Variants in SHISA6 observed in about 807,000 individuals in gnomAD.
SHISA6 encodes the protein protein shisa-6.
In SHISA6, 22 loss-of-function variants were observed where a neutral mutation model predicts 47.9. The ratio of observed to expected loss-of-function variants is 0.46; its 90% CI spans 0.33 to 0.66. The LOEUF is 0.66. SHISA6 is among the 30% of genes least tolerant of loss of function. The pLI is 0.02. For synonymous variants in SHISA6, 388 were observed against 337.8 expected, an observed-to-expected ratio of 1.15 and a Z score of -1.63; for missense variants, 680 against 764.6, an observed-to-expected ratio of 0.89 and a Z score of 1.30.
At chr17:11,371,547 C>T (rs764761823) in intron 2 of SHISA6, among the ~76,000 whole-genome samples, 1 of 152,180 alleles carries the variant, frequency 6.6e-6, no homozygotes, top group African/African-American at 2.4e-5. Flanking sequence ...ACTTTATACA[C>T]AGAATCTCAT....
At chr17:11,396,575 C>T (rs377109141) in intron 3 of SHISA6, among the ~76,000 whole-genome samples, 21 of 152,188 alleles carry the variant, frequency 1.4e-4, no homozygotes, top group East Asian at 7.7e-4. Context: ...CTGTCTTCCA[C>T]GACGGTTGAA....
chr17:11,431,297 T>C (rs1914765407), intron 3 of SHISA6, among the ~76,000 whole-genome samples: 2 of 152,090 alleles, frequency 1.3e-5, no homozygotes, highest in South Asian at 2.1e-4. Context: ...AGCTGCACCC[T>C]CCACACAGGA....
At chr17:11,343,485 T>C (rs1292935287) in intron 2 of SHISA6, among the ~76,000 whole-genome samples, 4 of 152,178 alleles carry the variant, frequency 2.6e-5, no homozygotes, top group Non-Finnish European at 4.4e-5. Context: ...CCAAAGGCTA[T>C]TGAGCTGGTT....
In SHISA6 at chr17:11,524,581, C is replaced by T. The variant is rs533294955; in HGVS notation, c.896-27315C>T. Among the ~76,000 whole-genome samples, 11 of 151,580 alleles carry T rather than the reference C, an allele frequency of 7.3e-5. No homozygotes were observed. The East Asian group carries it at 2.1e-3, about 29-fold the overall frequency. On this transcript the variant is annotated intron_variant, in intron 3 of 5. Coordinates refer to ENST00000441885, the MANE Select transcript of SHISA6 (RefSeq NM_207386.4). ...GTGTGATCTCAGCTCACCACAACCT[C>T]TGCCTCCCGGGTTCAAGCGATTTTC...
chr17:11,388,317 T>A lies in SHISA6; in HGVS notation c.895+8808T>A, dbSNP rs562163108. Among the ~76,000 whole-genome samples, 154 of 152,238 alleles carry A rather than the reference T, an allele frequency of 1.0e-3. 1 individual carries two copies. The highest frequency in any genetic ancestry group is 3.4e-3 in the African/African-American group (142 of 41,544). ...CACAGGCTTATCTGGGAATGGACTC[T>A]GTGAAGCCAGTACCACCTGGGAGCC... On this transcript the variant is annotated intron_variant, in intron 3 of 5. Transcript: ENST00000441885.
At chr17:11,304,765 A>G (rs1416225591) in intron 2 of SHISA6, among the ~76,000 whole-genome samples, 3 of 152,030 alleles carry the variant, frequency 2.0e-5, no homozygotes, top group African/African-American at 7.2e-5. Flanking sequence ...GAGTGTAGGG[A>G]AACTCAGCCC....
At position 11,339,678 on chromosome 17, in the gene SHISA6, G is replaced by C. The variant is rs115091404; in HGVS notation, c.800-39736G>C. ...CTCTATTGCTTCCTTCTTCTATCTT[G>C]CAGCAGAAGTGTGACTACAGGAATT... On this transcript the variant is annotated intron_variant, in intron 2 of 5. Coordinates refer to ENST00000441885, the MANE Select transcript of SHISA6 (RefSeq NM_207386.4). 2.7e-3 allele frequency among the ~76,000 whole-genome samples: 409 copies of C among 152,298 alleles called. 3 individuals carry two copies. Among genetic ancestry groups the C allele is most frequent in the African/African-American group, 9.3e-3 (386 of 41,562 alleles).
At chr17:11,423,213 GTA>G (rs1369847694) in intron 3 of SHISA6, among the ~76,000 whole-genome samples, 3 of 119,258 alleles carry the variant, frequency 2.5e-5, no homozygotes, top group African/African-American at 1.0e-4. Context: ...TAACATATAT[GTA>G]TGTGTGTGTG....
chr17:11,451,601 AGGACCTCTC>A (rs1915404610), intron 3 of SHISA6, among the ~76,000 whole-genome samples: 1 of 152,222 alleles, frequency 6.6e-6, no homozygotes, highest in African/African-American at 2.4e-5. Context: ...GTGGTTGGAC[AGGACCTCTC>A]CTGTCCACAG....
intron 3 of SHISA6, among the ~76,000 whole-genome samples, chr17:11,533,408 C>G (rs9901487): frequency 0.019 from 2,869 of 152,158 alleles, 93 homozygotes; most frequent in African/African-American, 0.063. Flanking sequence ...TCTACCGTCT[C>G]TCATCTGCAC....
intron 2 of SHISA6, among the ~76,000 whole-genome samples, chr17:11,308,429 G>A (rs760576158): frequency 6.6e-6 from 1 of 152,068 alleles, no homozygotes. Context: ...GAAATGGCAG[G>A]AGCGTGGTTT....
intron 1 of SHISA6, among the ~76,000 whole-genome samples, chr17:11,261,633 A>G (rs1908236309): frequency 6.6e-6 from 1 of 152,234 alleles, no homozygotes; most frequent in Non-Finnish European, 1.5e-5. Flanking sequence ...GATAGCAGGT[A>G]TCAGTATGCC....
intron 3 of SHISA6, among the ~76,000 whole-genome samples, chr17:11,406,000 T>C (rs17817660): frequency 0.16 from 24,177 of 152,146 alleles, 1,996 homozygotes; most frequent in South Asian, 0.25. Flanking sequence ...ATTTTCATCA[T>C]AGAAGAGCTC....
intron 3 of SHISA6, among the ~76,000 whole-genome samples, chr17:11,423,463 A>G (rs1026659344): frequency 9.2e-5 from 14 of 151,872 alleles, no homozygotes; most frequent in African/African-American, 2.7e-4. Flanking sequence ...AATCAAACCC[A>G]GGGCTGCATT....
intron 2 of SHISA6, among the ~76,000 whole-genome samples, chr17:11,319,374 A>G (rs965373198): frequency 6.6e-6 from 1 of 152,154 alleles, no homozygotes; most frequent in African/African-American, 2.4e-5. Context: ...CCCCACAGCC[A>G]GACTGTATTT....
intron 2 of SHISA6, among the ~76,000 whole-genome samples, chr17:11,339,271 A>G (rs139538401): frequency 1.5e-4 from 23 of 152,264 alleles, no homozygotes; most frequent in Admixed American, 5.2e-4. Flanking sequence ...TTCATAATAT[A>G]CTAAATGAAA....
intron 3 of SHISA6, among the ~76,000 whole-genome samples, chr17:11,411,876 C>T (rs1340629173): frequency 6.6e-6 from 1 of 152,170 alleles, no homozygotes; most frequent in African/African-American, 2.4e-5. Flanking sequence ...ATTCAGGATT[C>T]TAATAGGTGT....
At chr17:11,328,235 G>T (rs138849846) in intron 2 of SHISA6, among the ~76,000 whole-genome samples, 48 of 152,302 alleles carry the variant, frequency 3.2e-4, no homozygotes, top group African/African-American at 9.9e-4. Flanking sequence ...CAGGTTCTCA[G>T]CTCTGTGACC....
At chr17:11,480,340 A>G (rs1303107895) in intron 3 of SHISA6, among the ~76,000 whole-genome samples, 1 of 152,174 alleles carries the variant, frequency 6.6e-6, no homozygotes, top group African/African-American at 2.4e-5. Flanking sequence ...AATTTGGGGA[A>G]CCTATCATAT....
Sources: gnomAD v4.1 joint callset for allele counts (sites outside exome capture counted in the v4.1 genomes callset) on GRCh38, gnomAD v4.1.1 for gene constraint, MANE v1.5 for transcripts, NCBI Gene and HGNC (gene_info 2026-07-23, HGNC 2026-07-21) for gene names.